TCOF1: variants seen among roughly 807,000 people sequenced by gnomAD.
TCOF1 encodes treacle ribosome biogenesis factor 1, also known as treacle protein.
In TCOF1, 33 loss-of-function variants were observed where a neutral mutation model predicts 149.0. That is an observed-to-expected ratio of 0.22 (90% CI 0.17 to 0.30). TCOF1 has a LOEUF of 0.30. TCOF1 is among the 10% of genes least tolerant of loss of function. The probability of loss-of-function intolerance (pLI) is 1.00; values close to 1 mark genes in which losing one functional copy is unlikely to be tolerated. For synonymous variants in TCOF1, 789 were observed against 738.8 expected, an observed-to-expected ratio of 1.07 and a Z score of -1.10; for missense variants, 1,728 against 1,840.7, an observed-to-expected ratio of 0.94 and a Z score of 1.12.
chr5:150,368,553 G>A, intron 4 of TCOF1, 163 bp from the exon 5 acceptor site: 2 of 733,914 alleles, frequency 2.7e-6, no homozygotes, highest in Non-Finnish European at 4.7e-6. Context: ...GAGAGGAGGT[G>A]CTGTTTTTAA....
chr5:150,359,312 A>G (rs1391463298), intron 1 of TCOF1, among the ~76,000 whole-genome samples: 1 of 150,378 alleles, frequency 6.6e-6, no homozygotes, highest in Non-Finnish European at 1.5e-5. Flanking sequence ...GAGCCACTGC[A>G]CTCCATCCTG....
intron 17 of TCOF1, chr5:150,383,721 C>G (rs1765706517): frequency 1.3e-6 from 2 of 1,551,762 alleles, no homozygotes; most frequent in East Asian, 4.9e-5. Context: ...CCCTGTATCT[C>G]TCTGTTTTCT....
At position 150,375,333 on chromosome 5, in the gene TCOF1, TC is replaced by T. The variant is rs1432502245; in HGVS notation, c.1489-3del. ...CCTCCCTAATCTTGTCCTTTGTGTC[TC>T]CCAGGTGAAGCCCTTGGGGAAAAGC... On this transcript the variant is annotated splice_polypyrimidine_tract_variant and splice_region_variant and intron_variant, in intron 10 of 26. Coordinates refer to ENST00000643257, the MANE Select transcript of TCOF1 (RefSeq NM_001371623.1). The T allele has an allele frequency of 1.9e-6, 3 of 1,610,752 alleles. No individual in the cohort carries two copies. The highest frequency in any genetic ancestry group is 2.5e-6 in the Non-Finnish European group (3 of 1,178,934).
intron 3 of TCOF1, among the ~76,000 whole-genome samples, chr5:150,365,379 A>G (rs964239265): frequency 1.3e-4 from 20 of 150,862 alleles, no homozygotes; most frequent in African/African-American, 4.9e-4. Context: ...TGCGCCCTGG[A>G]TATATATTAT....
chr5:150,358,698 A>G (rs1246636768), intron 1 of TCOF1, among the ~76,000 whole-genome samples: 1 of 152,170 alleles, frequency 6.6e-6, no homozygotes, highest in Non-Finnish European at 1.5e-5. Flanking sequence ...TTAGCTGGGC[A>G]TGTTGGCGCA....
rs1411778523 is a variant in TCOF1, at chr5:150,374,266, G to A, written c.963G>A (p.Gly321=). Residue 321 remains glycine, a synonymous_variant, in exon 8 of 27, where the codon GGG becomes GGA. Transcript: ENST00000643257. ...AAGGGGCTACCCCAGCACCCCCTGG[G>A]AAGGCAGGGGCTGTAGCCTCCCAGA... is the stretch of plus-strand genomic sequence containing the variant. ...PGKGATPAPP[G]KAGAVASQTK... The A allele has an allele frequency of 6.2e-7, 1 of 1,604,976 alleles. No individual in the cohort carries two copies. The highest frequency in any genetic ancestry group is 8.5e-7 in the Non-Finnish European group (1 of 1,175,446).
At chr5:150,390,936 G>A (rs1477593804) in intron 19 of TCOF1, among the ~76,000 whole-genome samples, 3 of 152,222 alleles carry the variant, frequency 2.0e-5, no homozygotes, top group African/African-American at 7.2e-5. Flanking sequence ...GCTGGTAGGA[G>A]AGGAAACAAT....
chr5:150,384,870 G>A (rs567225568), intron 17 of TCOF1: 640 of 985,396 alleles, frequency 6.5e-4, no homozygotes, highest in Non-Finnish European at 7.5e-4. Flanking sequence ...ACAAGTTTCA[G>A]TCTGATTTTA....
rs544812838 is a variant in TCOF1, at chr5:150,374,227, G to A, written c.924G>A (p.Lys308=). The A allele has an allele frequency of 6.2e-7, 1 of 1,612,430 alleles. No homozygotes were observed. Among genetic ancestry groups the A allele is most frequent in the East Asian group, 2.2e-5 (1 of 44,844 alleles). The change falls in exon 8 of 27, where the codon AAG becomes AAA. Residue 308 remains lysine (K), a synonymous_variant. Transcript: ENST00000643257. The stretch of plus-strand genomic sequence containing the variant: ...TCAGAGCTGCCTCAGCCCCTGCCAA[G>A]GGGACCCCTGGGAAAGGGGCTACCC... ...LQVRAASAPA[K]GTPGKGATPA...
rs751988102 is a variant in TCOF1, at chr5:150,372,009, A to G, written c.643A>G (p.Lys215Glu). The change falls in exon 7 of 27, where the codon AAA (lysine) becomes GAA (glutamate). Residue 215 changes from lysine to glutamate, a missense_variant. This residue lies in a region of TCOF1 where 1,696 missense variants were observed against 1,765.4 expected (regional missense o/e 0.96). Transcript: ENST00000643257. Reference protein sequence around the residue: ...SSSDETDVEGKPSVKPAQVKA... With the variant: ...SSSDETDVEGEPSVKPAQVKA... The stretch of plus-strand genomic sequence containing the variant: ...TAATTCCATCCTCTTGTTCCAGGGG[A>G]AACCCTCAGTAAAACCAGCCCAGGT... 2 of 1,613,758 alleles carry G rather than the reference A, an allele frequency of 1.2e-6. No homozygotes were observed. The highest frequency in any genetic ancestry group is 1.7e-6 in the Non-Finnish European group (2 of 1,179,724).
At position 150,357,701 on chromosome 5, in the gene TCOF1, A is replaced by T. The variant is rs745778459; in HGVS notation, c.-46A>T. Reference sequence around the variant, plus strand: ...GGCGCGAGGGAAGTGGCGGGCGGGGACTAAGGCGGGGCGTGCAGGTAGCCG... The same window carrying T: ...GGCGCGAGGGAAGTGGCGGGCGGGGTCTAAGGCGGGGCGTGCAGGTAGCCG... On this transcript the variant is annotated 5_prime_UTR_variant, in exon 1 of 27. Transcript: ENST00000643257. 6.7e-7 allele frequency: 1 copy of T among 1,487,408 alleles called. No individual in the cohort carries two copies. Among genetic ancestry groups the T allele is most frequent in the African/African-American group, 1.4e-5 (1 of 71,690 alleles). 92.1% of individuals were successfully genotyped at this position (1,487,408 alleles called of 1,614,324 possible). A position where few individuals can be genotyped will look rare whatever the true frequency, so the allele number is the denominator to read the frequency against.
At chr5:150,364,333 A>G in intron 3 of TCOF1, 81 bp downstream of exon 3, 1 of 1,595,250 alleles carries the variant, frequency 6.3e-7, no homozygotes, top group Non-Finnish European at 8.6e-7. Flanking sequence ...TTCTTCTCTT[A>G]TCACTAGAAG....
chr5:150,376,222 A>G lies in TCOF1; in HGVS notation c.2034A>G (p.Ser678=). Residue 678 remains serine, a synonymous_variant, in exon 13 of 27, where the codon TCA becomes TCG. Transcript: ENST00000643257. ...KAGTATSPAG[S]SPAVAGGTQR... ...GAACTGCGACTTCTCCAGCAGGCTC[A>G]TCCCCAGCTGTGGCTGGGGGCACCC... The G allele has an allele frequency of 4.3e-6, 7 of 1,614,224 alleles. No homozygotes were observed. Among genetic ancestry groups the G allele is most frequent in the Non-Finnish European group, 5.9e-6 (7 of 1,180,024 alleles).
intron 18 of TCOF1, 50 bp downstream of exon 18, chr5:150,388,138 A>C: frequency 6.2e-7 from 1 of 1,609,862 alleles, no homozygotes; most frequent in Non-Finnish European, 8.5e-7. Context: ...GCACTGCCCC[A>C]CATTGAGGCC....
Position 150,396,279 on chromosome 5 carries a change from T to C in TCOF1, c.3785-3T>C, listed in dbSNP as rs1768496031. On this transcript the variant is annotated splice_region_variant and splice_polypyrimidine_tract_variant and intron_variant, in intron 23 of 26. Coordinates refer to ENST00000643257, the MANE Select transcript of TCOF1 (RefSeq NM_001371623.1). ...TCTGTGACCCCACATTCTCTCTCCA[T>C]AGGTGGAAAAGAGGCTGCTTCAGGC... 1.9e-6 allele frequency: 3 copies of C among 1,613,996 alleles called. No homozygotes were observed. Among genetic ancestry groups the C allele is most frequent in the South Asian group, 2.2e-5 (2 of 91,078 alleles).
At chr5:150,385,257 G>A (rs1766050247) in intron 17 of TCOF1, among the ~76,000 whole-genome samples, 1 of 152,152 alleles carries the variant, frequency 6.6e-6, no homozygotes, top group South Asian at 2.1e-4. Context: ...CAAAGAAAAA[G>A]GAAACCTGTA....
rs532265692 is a variant in TCOF1, at chr5:150,382,919, G to C, written c.2859+3187G>C. 4.7e-6 allele frequency: 3 copies of C among 634,704 alleles called. No homozygotes were observed. The South Asian group carries it at 6.1e-5, about 13-fold the overall frequency. 39.3% of individuals were successfully genotyped at this position (634,704 alleles called of 1,614,324 possible). ...GCTGTGGGGCAGGTCAGGCCAGCAG[G>C]TATCCCTGTGCATGTGCAGGAAGGG... On this transcript the variant is annotated intron_variant, in intron 17 of 26. Transcript: ENST00000643257.
chr5:150,392,533 C>T, intron 21 of TCOF1, 172 bp from the exon 22 acceptor site: 1 of 668,710 alleles, frequency 1.5e-6, no homozygotes, highest in Non-Finnish European at 2.6e-6. Context: ...CATGCTGTGA[C>T]TAGCGATAAG....
rs1042078510 is a variant in TCOF1, at chr5:150,376,731, A to C, written c.2340+111A>C. On this transcript the variant is annotated intron_variant, in intron 14 of 26. Transcript: ENST00000643257. ...GCCTGCAGGTGTGCAGAAGCCTCAG[A>C]GGTAGCCTCAACACAGCTTCCTTCC... 7.7e-5 allele frequency: 86 copies of C among 1,119,700 alleles called. No homozygotes were observed. The Middle Eastern group carries it at 1.1e-3, about 15-fold the overall frequency. 69.4% of individuals were successfully genotyped at this position (1,119,700 alleles called of 1,614,324 possible).
Sources: gnomAD v4.1 joint callset for allele counts (sites outside exome capture counted in the v4.1 genomes callset) on GRCh38, gnomAD v4.1.1 for gene constraint, gnomAD v4.1.1 regional missense constraint, MANE v1.5 for transcripts, NCBI Gene and HGNC (gene_info 2026-07-23, HGNC 2026-07-21) for gene names.